ATP2C2: variants seen among roughly 807,000 people sequenced by gnomAD.
The protein encoded by ATP2C2 is ATPase secretory pathway Ca2+ transporting 2.
ATP2C2 carries 171 observed loss-of-function variants against 110.8 expected under a neutral mutation model. That is an observed-to-expected ratio of 1.54 (90% CI 1.36 to 1.75). ATP2C2 has a LOEUF of 1.75. Among genes scored for constraint, ATP2C2 ranks in the 40% most tolerant of loss-of-function variants. ATP2C2 has a pLI of 0.00. For synonymous variants in ATP2C2, 804 were observed against 508.4 expected (o/e 1.58, Z -7.82); for missense variants, 1,963 against 1,235.0 (o/e 1.59, Z -8.84).
At chr16:84,442,119 T>A (rs1334390322) in intron 14 of ATP2C2, among the ~76,000 whole-genome samples, 1 of 152,204 alleles carries the variant, frequency 6.6e-6, no homozygotes, top group African/African-American at 2.4e-5. Context: ...AGAAGTCATC[T>A]ACCATGAATT....
chr16:84,461,098 T>C (rs943867693), intron 24 of ATP2C2: 1 of 399,802 alleles, frequency 2.5e-6, no homozygotes, highest in Non-Finnish European at 4.5e-6. Context: ...CCCTGTTCCC[T>C]TGTCACCAGG....
Position 84,453,128 on chromosome 16 carries a change from T to G in ATP2C2, c.1832-10T>G, listed in dbSNP as rs374088296. 450 of 1,602,334 alleles carry G rather than the reference T, an allele frequency of 2.8e-4. 1 individual carries two copies. Among genetic ancestry groups the G allele is most frequent in the Non-Finnish European group, 3.6e-4 (421 of 1,174,228 alleles). On this transcript the variant is annotated splice_polypyrimidine_tract_variant and intron_variant, in intron 18 of 26. Transcript: ENST00000262429. ...CTCAGAGCAGGCCCTCAGAACAGGT[T>G]CTTCTGAAGGAAGAAACATCGGCCT...
chr16:84,399,165 C>A (rs529470870), intron 2 of ATP2C2, among the ~76,000 whole-genome samples: 2 of 152,180 alleles, frequency 1.3e-5, no homozygotes, highest in East Asian at 3.9e-4. Flanking sequence ...CGTGCGTGCA[C>A]GTGCATACTC....
chr16:84,422,518 G>A lies in ATP2C2; in HGVS notation c.753G>A (p.Leu251=). The A allele has an allele frequency of 6.2e-7, 1 of 1,614,120 alleles. No individual in the cohort carries two copies. Among genetic ancestry groups the A allele is most frequent in the African/African-American group, 1.3e-5 (1 of 75,022 alleles). The change falls in exon 8 of 27, where the codon CTG becomes CTA. Residue 251 remains leucine (L), a synonymous_variant. Transcript: ENST00000262429. The part of the protein sequence containing the change: ...TLSNIVFMGT[L]VQYGRGQGVV... ...GCAACATCGTCTTCATGGGGACCCT[G>A]GTGCAGTATGGGAGGGGCCAGGTAA...
chr16:84,372,714 G>A (rs1317790332), intron 1 of ATP2C2, among the ~76,000 whole-genome samples: 4 of 151,938 alleles, frequency 2.6e-5, no homozygotes, highest in Admixed American at 6.6e-5. Flanking sequence ...GTGAGCCACC[G>A]CACCTGGCCA....
intron 2 of ATP2C2, among the ~76,000 whole-genome samples, chr16:84,401,873 A>T (rs561502554): frequency 3.3e-5 from 5 of 152,062 alleles, no homozygotes; most frequent in Non-Finnish European, 7.4e-5. Flanking sequence ...TAAGAATGTC[A>T]TTGTTATTTT....
intron 10 of ATP2C2, among the ~76,000 whole-genome samples, chr16:84,425,436 G>T (rs77633844): frequency 6.6e-6 from 1 of 152,332 alleles, no homozygotes; most frequent in East Asian, 1.9e-4. Flanking sequence ...GATACACGCA[G>T]CCGACGGTAA....
At chr16:84,406,846 C>T (rs1310082244) in intron 3 of ATP2C2, among the ~76,000 whole-genome samples, 1 of 152,170 alleles carries the variant, frequency 6.6e-6, no homozygotes, top group African/African-American at 2.4e-5. Flanking sequence ...CCCCCACTTC[C>T]CCTGGTTATC....
intron 11 of ATP2C2, among the ~76,000 whole-genome samples, chr16:84,436,859 T>G (rs1451520260): frequency 6.8e-6 from 1 of 147,792 alleles, no homozygotes; most frequent in Non-Finnish European, 1.5e-5. Flanking sequence ...ACCTCCCAGG[T>G]TCAAGCGATT....
rs374592085 is a variant in ATP2C2 at position 84,422,564 on chromosome 16, T to C, written c.774+25T>C. Reference sequence around the variant, plus strand: ...GGTAAGCCCTGGGACACCGAGGCCTTGGGCTCCCGTAACCCACAGGCTCCC... The same window carrying C: ...GGTAAGCCCTGGGACACCGAGGCCTCGGGCTCCCGTAACCCACAGGCTCCC... On this transcript the variant is annotated intron_variant, in intron 8 of 26. Coordinates refer to ENST00000262429, the MANE Select transcript of ATP2C2 (RefSeq NM_014861.4). 43 of 1,612,292 alleles carry C rather than the reference T, an allele frequency of 2.7e-5. 1 individual carries two copies. In the African/African-American group the frequency reaches 5.7e-4, roughly 22 times the overall value.
intron 1 of ATP2C2, among the ~76,000 whole-genome samples, chr16:84,369,691 T>A (rs2151391187): frequency 6.6e-6 from 1 of 152,370 alleles, no homozygotes; most frequent in Admixed American, 6.5e-5. Context: ...CTTAAAATTT[T>A]ATTTTTTTCT....
chr16:84,406,610 T>C, intron 3 of ATP2C2: 2 of 985,608 alleles, frequency 2.0e-6, no homozygotes, highest in South Asian at 9.4e-5. Context: ...TCTGGGAATG[T>C]TATTCATCGA....
rs1341212774 is a variant in ATP2C2 at position 84,444,054 on chromosome 16, C to G, written c.1401+1455C>G. The stretch of plus-strand genomic sequence containing the variant: ...TGGTGGTGCATGCCTGTGGTCCCAG[C>G]TACTCAGGAGGCTGAGGCAGGAGGA... On this transcript the variant is annotated intron_variant, in intron 15 of 26. Transcript: ENST00000262429. Among the ~76,000 whole-genome samples, 3 of 150,296 alleles carry G rather than the reference C, an allele frequency of 2.0e-5. No homozygotes were observed. In the Admixed American group the frequency reaches 2.0e-4, roughly 10 times the overall value.
chr16:84,447,585 T>TAATA (rs913572790), intron 16 of ATP2C2, among the ~76,000 whole-genome samples: 27 of 149,712 alleles, frequency 1.8e-4, no homozygotes, highest in Non-Finnish European at 2.2e-4. Context: ...GATTTTCTTT[T>TAATA]AATATTATGT....
intron 1 of ATP2C2, among the ~76,000 whole-genome samples, chr16:84,389,370 G>A (rs1255076060): frequency 2.0e-5 from 3 of 152,232 alleles, no homozygotes; most frequent in South Asian, 4.1e-4. Context: ...CACCCCAGGA[G>A]GGCGTGACCA....
chr16:84,397,849 A>G (rs538337483), intron 1 of ATP2C2, among the ~76,000 whole-genome samples: 66 of 151,690 alleles, frequency 4.4e-4, no homozygotes, highest in Non-Finnish European at 8.1e-4. Flanking sequence ...CTCACTAACA[A>G]TGTTGAGTGA....
rs904441880 is a variant in ATP2C2 at position 84,452,996 on chromosome 16, G to C, written c.1832-142G>C. The stretch of plus-strand genomic sequence containing the variant: ...AAGTTAATCCTGTGGATAGAACCGA[G>C]GCCGTGCAGCATGGTAGGTCCTCAG... On this transcript the variant is annotated intron_variant, in intron 18 of 26. Transcript: ENST00000262429. The C allele has an allele frequency of 5.2e-6, 4 of 775,816 alleles. No individual in the cohort carries two copies. In the African/African-American group the frequency reaches 5.2e-5, roughly 10 times the overall value. The allele number at this position is 775,816 out of a possible 1,614,324, so 48.1% of individuals were successfully genotyped here.
chr16:84,416,950 A>T (rs1409632887), intron 7 of ATP2C2, among the ~76,000 whole-genome samples: 3 of 152,118 alleles, frequency 2.0e-5, no homozygotes, highest in African/African-American at 7.2e-5. Context: ...TCCAGATGCC[A>T]GGCAGCTTGT....
chr16:84,423,106 A>T, intron 9 of ATP2C2, 82 bp from the exon 10 acceptor site: 2 of 1,226,332 alleles, frequency 1.6e-6, no homozygotes, highest in South Asian at 1.2e-5. Flanking sequence ...AAGCTGTAGG[A>T]TGGCAAGGTG....
Sources: allele counts gnomAD v4.1 joint callset (sites outside exome capture counted in the v4.1 genomes callset), GRCh38; gene constraint gnomAD v4.1.1; transcripts MANE v1.5; gene names NCBI Gene and HGNC (gene_info 2026-07-23, HGNC 2026-07-21).